Variants in KCNIP4 observed in about 807,000 individuals in gnomAD.
The protein encoded by KCNIP4 is Kv channel-interacting protein 4.
Under a neutral mutation model 34.0 loss-of-function variants are expected in KCNIP4, and 12 were observed. That is an observed-to-expected ratio of 0.35 (90% CI 0.23 to 0.57). The LOEUF (loss-of-function observed/expected upper bound fraction) is 0.57, where lower values mean the gene tolerates loss of function less well. KCNIP4 is among the 20% of genes least tolerant of loss of function. The pLI is 0.83. For synonymous variants in KCNIP4, 124 were observed against 102.2 expected, an observed-to-expected ratio of 1.21 and a Z score of -1.29; for missense variants, 238 against 311.7, an observed-to-expected ratio of 0.76 and a Z score of 1.78.
intron 1 of KCNIP4, among the ~76,000 whole-genome samples, chr4:21,693,157 G>C (rs540277435): frequency 6.7e-5 from 2 of 29,634 alleles, no homozygotes; most frequent in Admixed American, 2.1e-4. Context: ...ACCCACAGAG[G>C]CCTGTTAGGA....
chr4:20,747,353 A>G (rs1056519350), intron 5 of KCNIP4, among the ~76,000 whole-genome samples: 11 of 152,208 alleles, frequency 7.2e-5, no homozygotes, highest in Admixed American at 7.2e-4. Flanking sequence ...TAGGTGAACT[A>G]TATTAGGTAA....
rs544296629 is a variant in KCNIP4, at chr4:21,414,768, T to C, written c.62-532059A>G. Among the ~76,000 whole-genome samples, 79 of 152,290 alleles carry C rather than the reference T, an allele frequency of 5.2e-4. 2 individuals are homozygous for C. In the South Asian group the frequency reaches 0.016, roughly 30 times the overall value. ...AATCTTTAAAATGGAGATTCTATAA[T>C]TTGTGACAACCTGAATGAATCTTTA... On this transcript the variant is annotated intron_variant, in intron 1 of 8. Transcript: ENST00000382152.
At chr4:20,929,706 T>C (rs1047307435) in intron 1 of KCNIP4, among the ~76,000 whole-genome samples, 14 of 151,942 alleles carry the variant, frequency 9.2e-5, no homozygotes, top group African/African-American at 3.4e-4. Context: ...AAAATCAACA[T>C]ACAAAAATCA....
At chr4:20,934,301 T>A (rs1416260716) in intron 1 of KCNIP4, among the ~76,000 whole-genome samples, 8 of 152,198 alleles carry the variant, frequency 5.3e-5, no homozygotes, top group Admixed American at 5.2e-4. Context: ...TAACCCAATG[T>A]CATGTAGCAT....
intron 1 of KCNIP4, among the ~76,000 whole-genome samples, chr4:21,533,412 C>T (rs1049206188): frequency 1.3e-5 from 2 of 151,956 alleles, no homozygotes; most frequent in Non-Finnish European, 2.9e-5. Context: ...CTAAAAGAGT[C>T]AAATATAGAT....
chr4:20,735,757 G>A (rs572336907), intron 5 of KCNIP4, among the ~76,000 whole-genome samples: 126 of 152,090 alleles, frequency 8.3e-4, no homozygotes, highest in Non-Finnish European at 1.5e-3. Flanking sequence ...GGTTGGTGTC[G>A]AACTCCTGAC....
At chr4:21,876,233 A>G (rs1412523204) in intron 1 of KCNIP4, among the ~76,000 whole-genome samples, 1 of 152,178 alleles carries the variant, frequency 6.6e-6, no homozygotes, top group Non-Finnish European at 1.5e-5. Flanking sequence ...TTTTAACTAT[A>G]TCTGTAACAA....
intron 1 of KCNIP4, among the ~76,000 whole-genome samples, chr4:21,038,376 C>A (rs929916528): frequency 3.3e-5 from 5 of 152,084 alleles, no homozygotes; most frequent in Non-Finnish European, 7.3e-5. Flanking sequence ...ATTATTATTA[C>A]CTTTGGTGCT....
At chr4:21,722,894 T>C (rs1340211719) in intron 1 of KCNIP4, among the ~76,000 whole-genome samples, 1 of 152,178 alleles carries the variant, frequency 6.6e-6, no homozygotes, top group African/African-American at 2.4e-5. Flanking sequence ...GGCAATTCAG[T>C]ATGTGTAACC....
At chr4:20,901,109 C>T (rs1355777423) in intron 1 of KCNIP4, among the ~76,000 whole-genome samples, 1 of 152,144 alleles carries the variant, frequency 6.6e-6, no homozygotes, top group Non-Finnish European at 1.5e-5. Context: ...TTCATGTTAA[C>T]AATGATAGCA....
intron 3 of KCNIP4, among the ~76,000 whole-genome samples, chr4:20,799,560 T>C (rs1713952968): frequency 6.6e-6 from 1 of 152,160 alleles, no homozygotes. Flanking sequence ...GCTGGTGAGA[T>C]GTCCCACCTT....
At position 20,748,214 on chromosome 4, in the gene KCNIP4, A is replaced by G. The variant is rs534221925; in HGVS notation, c.429+1448T>C. On this transcript the variant is annotated intron_variant, in intron 5 of 8. Coordinates refer to ENST00000382152, the MANE Select transcript of KCNIP4 (RefSeq NM_025221.6). ...CTTCTGGCCTCTATCTCCTTCCCCA[A>G]CCTTCGCTCTTGGCTCTCCAATTGT... Among the ~76,000 whole-genome samples, 15 of 151,830 alleles carry G rather than the reference A, an allele frequency of 9.9e-5. No individual in the cohort carries two copies. In the South Asian group the frequency reaches 2.5e-3, roughly 25 times the overall value.
chr4:21,339,309 A>C (rs1268535391), intron 1 of KCNIP4, among the ~76,000 whole-genome samples: 2 of 152,348 alleles, frequency 1.3e-5, no homozygotes, highest in Admixed American at 6.5e-5. Flanking sequence ...AATTGTGTGA[A>C]TAAATTTAGA....
intron 1 of KCNIP4, among the ~76,000 whole-genome samples, chr4:20,941,842 T>G (rs1731671836): frequency 6.6e-6 from 1 of 152,218 alleles, no homozygotes; most frequent in Non-Finnish European, 1.5e-5. Flanking sequence ...ATTTTCATCC[T>G]TCATTTGAAA....
chr4:20,971,135 A>C (rs1371261675), intron 1 of KCNIP4, among the ~76,000 whole-genome samples: 1 of 152,214 alleles, frequency 6.6e-6, no homozygotes, highest in Non-Finnish European at 1.5e-5. Flanking sequence ...AAGATGAAAC[A>C]GTTTAGAGTG....
intron 1 of KCNIP4, among the ~76,000 whole-genome samples, chr4:21,152,634 T>C (rs1752841128): frequency 6.6e-6 from 1 of 152,130 alleles, no homozygotes; most frequent in South Asian, 2.1e-4. Context: ...CCACTGTCAT[T>C]ATTTAAAGAA....
intron 1 of KCNIP4, among the ~76,000 whole-genome samples, chr4:21,892,249 T>C (rs1029822879): frequency 2.0e-5 from 3 of 151,968 alleles, no homozygotes; most frequent in South Asian, 2.1e-4. Flanking sequence ...ATCTGACAGA[T>C]GTCAGATGTC....
chr4:21,425,227 A>C, intron 1 of KCNIP4, among the ~76,000 whole-genome samples: 1 of 152,304 alleles, frequency 6.6e-6, no homozygotes, highest in Non-Finnish European at 1.5e-5. Flanking sequence ...TAGGCATAAA[A>C]TACTACCTAA....
At chr4:21,518,562 A>AGAGGT (rs1274277851) in intron 1 of KCNIP4, among the ~76,000 whole-genome samples, 3 of 152,076 alleles carry the variant, frequency 2.0e-5, no homozygotes, top group Non-Finnish European at 2.9e-5. Context: ...AGGACACTGA[A>AGAGGT]AGGACCTGAA....
Sources: gnomAD v4.1 joint callset for allele counts (sites outside exome capture counted in the v4.1 genomes callset) on GRCh38, gnomAD v4.1.1 for gene constraint, MANE v1.5 for transcripts, NCBI Gene and HGNC (gene_info 2026-07-23, HGNC 2026-07-21) for gene names.